PPARGC1A: variants seen among roughly 807,000 people sequenced by gnomAD.
PPARGC1A encodes the protein PPARG coactivator 1 alpha, also known as peroxisome proliferator-activated receptor gamma coactivator 1-alpha.
In PPARGC1A, 25 loss-of-function variants were observed where a neutral mutation model predicts 88.7. That is an observed-to-expected ratio of 0.28 (90% CI 0.21 to 0.39). The LOEUF is 0.39. Ranked by LOEUF, PPARGC1A falls within the 10% of genes least tolerant of loss-of-function variation. The pLI is 1.00. For missense variants in PPARGC1A, 880 were observed against 968.7 expected (o/e 0.91, Z 1.22); for synonymous variants, 363 against 355.6 (o/e 1.02, Z -0.24).
chr4:24,395,826 G>A, the PPARGC1A span, among the ~76,000 whole-genome samples: 4 of 152,178 alleles, frequency 2.6e-5, no homozygotes, highest in Non-Finnish European at 5.9e-5. Context: ...GCAGGGCCTG[G>A]AAGGAAGCTC....
chr4:24,178,609 C>A, the PPARGC1A span, among the ~76,000 whole-genome samples: 2 of 152,104 alleles, frequency 1.3e-5, no homozygotes, highest in Non-Finnish European at 2.9e-5. Context: ...AGAGACTGTC[C>A]GTTTCTACCT....
At chr4:24,314,634 T>C in the PPARGC1A span, among the ~76,000 whole-genome samples, 16 of 152,230 alleles carry the variant, frequency 1.1e-4, no homozygotes, top group Non-Finnish European at 2.4e-4. Flanking sequence ...GCGGTAAGTA[T>C]GACAAAATGT....
chr4:23,879,349 G>A (rs1002821684), intron 2 of PPARGC1A, among the ~76,000 whole-genome samples: 3 of 152,146 alleles, frequency 2.0e-5, no homozygotes, highest in Non-Finnish European at 2.9e-5. Flanking sequence ...CAGACACCAC[G>A]TAAATTTGTG....
the PPARGC1A span, among the ~76,000 whole-genome samples, chr4:24,100,561 G>C: frequency 1.3e-5 from 2 of 152,120 alleles, no homozygotes; most frequent in Admixed American, 6.6e-5. Context: ...GCCGCCTCTG[G>C]ACGTTCAGAT....
At chr4:23,974,329 T>C in the PPARGC1A span, among the ~76,000 whole-genome samples, 1 of 152,154 alleles carries the variant, frequency 6.6e-6, no homozygotes, top group African/African-American at 2.4e-5. Context: ...ATACCGACCA[T>C]AACAATTGCT....
At chr4:24,045,785 G>A in the PPARGC1A span, among the ~76,000 whole-genome samples, 1 of 152,132 alleles carries the variant, frequency 6.6e-6, no homozygotes, top group Non-Finnish European at 1.5e-5. Flanking sequence ...GAGAGTTAAA[G>A]CTTCATCACA....
At chr4:24,271,126 A>G in the PPARGC1A span, among the ~76,000 whole-genome samples, 2 of 152,198 alleles carry the variant, frequency 1.3e-5, no homozygotes, top group African/African-American at 4.8e-5. Context: ...TTGTTCTGAA[A>G]TGTATTAGAA....
chr4:23,923,870 T>G, the PPARGC1A span, among the ~76,000 whole-genome samples: 2 of 152,340 alleles, frequency 1.3e-5, no homozygotes, highest in East Asian at 3.9e-4. Flanking sequence ...TTCTCATTCT[T>G]TTTGCTCTAG....
chr4:24,191,205 C>T, the PPARGC1A span, among the ~76,000 whole-genome samples: 1 of 152,164 alleles, frequency 6.6e-6, no homozygotes, highest in Non-Finnish European at 1.5e-5. Context: ...TACAACTCAT[C>T]TAAATAGGGT....
At chr4:24,285,847 A>C in the PPARGC1A span, among the ~76,000 whole-genome samples, 246 of 152,288 alleles carry the variant, frequency 1.6e-3, no homozygotes, top group African/African-American at 5.7e-3. Context: ...ATGAGGATAA[A>C]AATATGTGAT....
At chr4:24,041,396 G>A in the PPARGC1A span, among the ~76,000 whole-genome samples, 1 of 152,106 alleles carries the variant, frequency 6.6e-6, no homozygotes. Flanking sequence ...TTGAGTTCTG[G>A]AACTAGCTCC....
At chr4:23,800,872 A>G (rs1221591379) in intron 12 of PPARGC1A, among the ~76,000 whole-genome samples, 1 of 151,658 alleles carries the variant, frequency 6.6e-6, no homozygotes, top group Non-Finnish European at 1.5e-5. Flanking sequence ...TACACCTCCT[A>G]GGATAGTTCT....
the PPARGC1A span, among the ~76,000 whole-genome samples, chr4:24,151,972 T>A: frequency 6.6e-6 from 1 of 152,206 alleles, no homozygotes; most frequent in Admixed American, 6.5e-5. Flanking sequence ...TTAACAATAA[T>A]GCACAGGAAG....
the PPARGC1A span, among the ~76,000 whole-genome samples, chr4:24,108,733 C>T: frequency 6.6e-6 from 1 of 152,112 alleles, no homozygotes; most frequent in South Asian, 2.1e-4. Context: ...CAGCTGTGCA[C>T]ATTTTCATGA....
chr4:24,197,049 A>C, the PPARGC1A span, among the ~76,000 whole-genome samples: 1 of 152,210 alleles, frequency 6.6e-6, no homozygotes, highest in Admixed American at 6.5e-5. Context: ...GTGCCTAGTC[A>C]ACCTGTACTG....
At chr4:23,883,283 G>A in intron 2 of PPARGC1A, 1 of 152,268 alleles carries the variant, frequency 6.6e-6, no homozygotes, top group East Asian at 1.9e-4. Context: ...AATCTCCAGA[G>A]GTATTACAAA....
chr4:24,213,300 G>T, the PPARGC1A span, among the ~76,000 whole-genome samples: 1 of 151,604 alleles, frequency 6.6e-6, no homozygotes, highest in African/African-American at 2.4e-5. Context: ...CCTGGTAGCT[G>T]GGACTACAGG....
chr4:24,328,461 G>C, the PPARGC1A span, among the ~76,000 whole-genome samples: 1 of 152,120 alleles, frequency 6.6e-6, no homozygotes, highest in African/African-American at 2.4e-5. Flanking sequence ...AAAGAAAAGA[G>C]GCACTCAAAG....
the PPARGC1A span, among the ~76,000 whole-genome samples, chr4:24,167,998 G>A: frequency 2.0e-5 from 3 of 152,206 alleles, no homozygotes; most frequent in African/African-American, 7.2e-5. Context: ...CAAGCAGTCT[G>A]CCTGCCTTGG....
Sources: gnomAD v4.1 joint callset for allele counts (sites outside exome capture counted in the v4.1 genomes callset) on GRCh38, gnomAD v4.1.1 for gene constraint, MANE v1.5 for transcripts, NCBI Gene and HGNC (gene_info 2026-07-23, HGNC 2026-07-21) for gene names.